The following ENTR1 variants were observed in gnomAD, a reference collection of about 807,000 sequenced individuals.
ENTR1 encodes endosome-associated-trafficking regulator 1.
In ENTR1, 47 loss-of-function variants were observed where a neutral mutation model predicts 47.9. The observed-to-expected ratio is 0.98, with a 90% CI of 0.78 to 1.25. ENTR1 has a LOEUF of 1.25. Ranked by LOEUF, ENTR1 falls within the 50% of genes most tolerant of loss-of-function variation. The pLI is 0.00. For synonymous variants in ENTR1, 290 were observed against 245.8 expected (o/e 1.18, Z -1.68); for missense variants, 668 against 570.5 (o/e 1.17, Z -1.74).
At chr9:136,407,788 G>A (rs776281765) in intron 4 of ENTR1, 38 bp downstream of exon 4, 37 of 1,498,138 alleles carry the variant, frequency 2.5e-5, no homozygotes, top group South Asian at 3.4e-5. Flanking sequence ...GAACAGAAAC[G>A]TCCCACAGAG....
rs779726486 is a variant in ENTR1 at position 136,405,905 on chromosome 9, ATT to A, written c.891_892del (p.Glu297AspfsTer6). The A allele has an allele frequency of 7.8e-5, 123 of 1,584,700 alleles. No homozygotes were observed. The highest frequency in any genetic ancestry group is 9.9e-5 in the Non-Finnish European group (115 of 1,164,632). ...CATTCCTAACTAAAAGCTTACATAC[ATT>A]TCTGTTTGAGCTTCAGAGAAGCTCT... On this transcript the variant is annotated frameshift_variant and splice_region_variant, in exon 6 of 10. Transcript: ENST00000357365. LOFTEE classifies it high-confidence loss of function.
At chr9:136,406,914 C>G (rs1039400718) in intron 5 of ENTR1, 1 of 522,786 alleles carries the variant, frequency 1.9e-6, no homozygotes, top group Non-Finnish European at 3.4e-6. Context: ...TGTAAGTGCC[C>G]AACTGCATCC....
chr9:136,403,321 CGG>C (rs59793209), intron 9 of ENTR1, among the ~76,000 whole-genome samples: 7 of 31,784 alleles, frequency 2.2e-4, no homozygotes, highest in Middle Eastern at 0.011. Context: ...TGGGGTTTGC[CGG>C]GGGGAGAAAG....
At chr9:136,403,240 G>A (rs1212431637) in intron 9 of ENTR1, among the ~76,000 whole-genome samples, 1 of 146,260 alleles carries the variant, frequency 6.8e-6, no homozygotes, top group African/African-American at 2.5e-5. Flanking sequence ...GGGGAGAAAG[G>A]TAAGGGGTTC....
chr9:136,405,231 T>C (rs755801191), intron 6 of ENTR1, 29 bp from the exon 7 acceptor site: 2 of 1,551,990 alleles, frequency 1.3e-6, no homozygotes, highest in African/African-American at 2.7e-5. Context: ...GAGTTGTTAA[T>C]TTCTGTGGCT....
rs1834814281 is a variant in ENTR1 at position 136,407,294 on chromosome 9, GC to G, written c.669del (p.Pro224LeufsTer9). ...AACGCCCACGAGGGCAGAGACTCAG[GC>G]CCTGCCAGCTCCGACGGGGTGGAGA... ...SFFSTPSELA[G>X]PESLPSWALS... On this transcript the variant is annotated frameshift_variant, in exon 5 of 10. Transcript: ENST00000357365. LOFTEE classifies it high-confidence loss of function. 1 of 1,612,504 alleles carries G rather than the reference GC, an allele frequency of 6.2e-7. No individual in the cohort carries two copies. The highest frequency in any genetic ancestry group is 8.5e-7 in the Non-Finnish European group (1 of 1,179,866).
chr9:136,404,466 T>A (rs1834663276), intron 8 of ENTR1, among the ~76,000 whole-genome samples, 165 bp downstream of exon 8: 1 of 152,198 alleles, frequency 6.6e-6, no homozygotes, highest in Admixed American at 6.5e-5. Context: ...AGGGCCTCCC[T>A]CTGCTTCACG....
chr9:136,407,150 C>A lies in ENTR1; in HGVS notation c.814G>T (p.Asp272Tyr). The change falls in exon 5 of 10, where the codon GAC becomes TAC. Residue 272 changes from aspartate (D) to tyrosine (Y), a missense_variant. Transcript: ENST00000357365. ...GCGCCGTGAGGCTCACTTACTGCGT[C>A]GTAACTTATCTGCAGCGTCCGCAGG... is the stretch of plus-strand genomic sequence containing the variant. Reference protein sequence around the residue: ...RHLRTLQISYDALKDENSKLR... With the variant: ...RHLRTLQISYYALKDENSKLR... The A allele has an allele frequency of 6.3e-7, 1 of 1,593,808 alleles. No individual in the cohort carries two copies. The highest frequency in any genetic ancestry group is 8.6e-7 in the Non-Finnish European group (1 of 1,166,544).
At chr9:136,407,645 C>G in intron 4 of ENTR1, 84 bp from the exon 5 acceptor site, 1 of 1,476,920 alleles carries the variant, frequency 6.8e-7, no homozygotes, top group Non-Finnish European at 9.0e-7. Context: ...TGCCTCGCAA[C>G]AAGAAGAAAG....
Position 136,407,821 on chromosome 9 carries a change from T to C in ENTR1, c.402+5A>G. On this transcript the variant is annotated splice_donor_5th_base_variant and intron_variant, in intron 4 of 9. Transcript: ENST00000357365. ...GAGCCATCGCCCACAGTGCCGTGGA[T>C]TTACCTTTGCATAAATTCTGCTGGC... 2 of 1,601,246 alleles carry C rather than the reference T, an allele frequency of 1.2e-6. No homozygotes were observed. Among genetic ancestry groups the C allele is most frequent in the Non-Finnish European group, 8.6e-7 (1 of 1,168,396 alleles).
chr9:136,406,833 A>T (rs1013614310), intron 5 of ENTR1: 7 of 248,164 alleles, frequency 2.8e-5, no homozygotes, highest in Non-Finnish European at 4.7e-5. Flanking sequence ...ATAATTTTTT[A>T]AAAATTTTCC....
At position 136,404,184 on chromosome 9, in the gene ENTR1, G is replaced by C; in HGVS notation, c.1079C>G (p.Ser360Cys). 1 of 1,608,428 alleles carries C rather than the reference G, an allele frequency of 6.2e-7. No individual in the cohort carries two copies. The highest frequency in any genetic ancestry group is 8.5e-7 in the Non-Finnish European group (1 of 1,176,824). Reference protein sequence around the residue: ...QEISLLQAQVSNFQRENEALR... With the variant: ...QEISLLQAQVCNFQRENEALR... The stretch of plus-strand genomic sequence containing the variant: ...GGCTTCATTCTCTCGCTGGAAGTTG[G>C]AGACCTGCGCCTGGGGGGACGGTTA... The change falls in exon 9 of 10, where the codon TCC (serine) becomes TGC (cysteine). Residue 360 changes from serine (S) to cysteine (C), a missense_variant. By Grantham distance (112) the Ser-to-Cys change is moderately radical. Transcript: ENST00000357365.
intron 9 of ENTR1, 176 bp downstream of exon 9, chr9:136,403,879 T>C: frequency 2.9e-6 from 2 of 697,802 alleles, no homozygotes; most frequent in Non-Finnish European, 4.6e-6. Context: ...GCCTGTGGTC[T>C]GTCCACACAG....
Position 136,409,073 on chromosome 9 carries a change from A to G in ENTR1, c.221-6T>C. The G allele has an allele frequency of 6.2e-7, 1 of 1,613,796 alleles. No homozygotes were observed. The highest frequency in any genetic ancestry group is 1.1e-5 in the South Asian group (1 of 91,082). On this transcript the variant is annotated splice_region_variant and splice_polypyrimidine_tract_variant and intron_variant, in intron 2 of 9. Transcript: ENST00000357365. ...CCCCTTTCCATAGCCAAAATCTGCA[A>G]AGAAACAATGTCACCCACCATGCTG...
intron 8 of ENTR1, 134 bp from the exon 9 acceptor site, chr9:136,404,328 G>T: frequency 8.1e-7 from 1 of 1,238,870 alleles, no homozygotes; most frequent in Non-Finnish European, 1.1e-6. Context: ...CTGGGGGCTC[G>T]CCTCTGGGAC....
rs985385791 is a variant in ENTR1 at position 136,410,607 on chromosome 9, A to AGGGGGAGGGGAAGCCGT, written c.-211_-210insACGGCTTCCCCTCCCCC. The AGGGGGAGGGGAAGCCGT allele has an allele frequency of 1.6e-5, 21 of 1,292,180 alleles. No individual in the cohort carries two copies. Among genetic ancestry groups the AGGGGGAGGGGAAGCCGT allele is most frequent in the Admixed American group, 3.9e-5 (1 of 25,926 alleles). The allele number at this position is 1,292,180 out of a possible 1,614,324, so 80.0% of individuals were successfully genotyped here. On this transcript the variant is annotated 5_prime_UTR_variant, in exon 1 of 10. Coordinates refer to ENST00000357365, the MANE Select transcript of ENTR1 (RefSeq NM_001039707.2). Reference sequence around the variant, plus strand: ...GCCTGAACGCCTTGGGCCGTCGGCGAGGGGGAGGGGAAGCCGTGGGCGGAA... The same window carrying AGGGGGAGGGGAAGCCGT: ...GCCTGAACGCCTTGGGCCGTCGGCGAGGGGGAGGGGAAGCCGTGGGGGAGGGGAAGCCGTGGGCGGAA...
chr9:136,409,155 A>C (rs1211548698), intron 2 of ENTR1, 88 bp from the exon 3 acceptor site: 5 of 1,065,688 alleles, frequency 4.7e-6, no homozygotes, highest in Non-Finnish European at 4.3e-6. Context: ...TGGAGTCTCC[A>C]CTGCAGTGGT....
Position 136,407,816 on chromosome 9 carries a change from G to T in ENTR1, c.402+10C>A. 1 of 1,591,074 alleles carries T rather than the reference G, an allele frequency of 6.3e-7. No individual in the cohort carries two copies. Among genetic ancestry groups the T allele is most frequent in the Non-Finnish European group, 8.6e-7 (1 of 1,159,168 alleles). ...CCACAGAGCCATCGCCCACAGTGCC[G>T]TGGATTTACCTTTGCATAAATTCTG... On this transcript the variant is annotated intron_variant, in intron 4 of 9. Coordinates refer to ENST00000357365, the MANE Select transcript of ENTR1 (RefSeq NM_001039707.2).
At chr9:136,403,132 T>C (rs1297399984) in intron 9 of ENTR1, among the ~76,000 whole-genome samples, 1 of 54,482 alleles carries the variant, frequency 1.8e-5, no homozygotes, top group Admixed American at 2.6e-4. Context: ...GGAGAGGTTC[T>C]GAGGGGGAGA....
Sources: allele counts gnomAD v4.1 joint callset (sites outside exome capture counted in the v4.1 genomes callset), GRCh38; gene constraint gnomAD v4.1.1; transcripts MANE v1.5; gene names NCBI Gene and HGNC (gene_info 2026-07-23, HGNC 2026-07-21).